The following SGIP1 variants were observed in gnomAD, a reference collection of about 807,000 sequenced individuals.
SGIP1 encodes SH3GL interacting endocytic adaptor 1, also known as SH3-containing GRB2-like protein 3-interacting protein 1.
In SGIP1, 38 loss-of-function variants were observed where a neutral mutation model predicts 107.5. The ratio of observed to expected loss-of-function variants is 0.35; its 90% CI spans 0.27 to 0.46. The LOEUF (loss-of-function observed/expected upper bound fraction) is 0.46, where lower values mean the gene tolerates loss of function less well. SGIP1 is among the 20% of genes least tolerant of loss of function. The pLI, the probability that SGIP1 is intolerant of heterozygous loss-of-function variation, is 1.00. For synonymous variants in SGIP1, 365 were observed against 366.1 expected, an observed-to-expected ratio of 1.00 and a Z score of 0.03; for missense variants, 929 against 1,019.5, an observed-to-expected ratio of 0.91 and a Z score of 1.21.
At chr1:66,569,147 A>C (rs2060049117) in intron 1 of SGIP1, among the ~76,000 whole-genome samples, 2 of 151,982 alleles carry the variant, frequency 1.3e-5, no homozygotes, top group South Asian at 4.1e-4. Context: ...CCAAATGGTG[A>C]AACTTGAGAA....
chr1:66,548,722 C>G (rs2056881619), intron 1 of SGIP1, among the ~76,000 whole-genome samples: 1 of 152,044 alleles, frequency 6.6e-6, no homozygotes. Flanking sequence ...AGAGGTTGAC[C>G]TCTCCATGTT....
At chr1:66,575,358 C>A (rs1271350807) in intron 1 of SGIP1, among the ~76,000 whole-genome samples, 1 of 152,166 alleles carries the variant, frequency 6.6e-6, no homozygotes, top group Non-Finnish European at 1.5e-5. Flanking sequence ...CCAACTTTTT[C>A]ACTCTTAAAT....
intron 1 of SGIP1, among the ~76,000 whole-genome samples, chr1:66,609,767 AC>A (rs1257799277): frequency 3.3e-5 from 5 of 152,350 alleles, no homozygotes; most frequent in South Asian, 2.1e-4. Flanking sequence ...ATGCTAGCAA[AC>A]TTTTGAATTC....
chr1:66,609,482 G>T (rs2067511330), intron 1 of SGIP1, among the ~76,000 whole-genome samples: 1 of 152,162 alleles, frequency 6.6e-6, no homozygotes, highest in Non-Finnish European at 1.5e-5. Context: ...GTTTCAGAGT[G>T]GAGTGCTTAG....
In SGIP1 at chr1:66,673,305, G is replaced by C; in HGVS notation, c.585G>C (p.Thr195=). The part of the protein sequence containing the change: ...LISKKPPDDT[T]ALAPLFGPPL... The stretch of plus-strand genomic sequence containing the variant: ...GCAAAAAGCCTCCAGATGACACTAC[G>C]GCCCTTGCTCCTCTCTTTGGCCCAC... Residue 195 remains threonine, a synonymous_variant, in exon 12 of 25, where the codon ACG becomes ACC. Coordinates refer to ENST00000371037, the MANE Select transcript of SGIP1 (RefSeq NM_032291.4). The C allele has an allele frequency of 5.0e-6, 8 of 1,613,830 alleles. No individual in the cohort carries two copies. The highest frequency in any genetic ancestry group is 1.1e-5 in the South Asian group (1 of 91,028).
chr1:66,631,667 TTCTCTCTCTCTCTTTCTCTCTCTC>T (rs1425135397), intron 2 of SGIP1, among the ~76,000 whole-genome samples: 29 of 95,358 alleles, frequency 3.0e-4, no homozygotes, highest in Middle Eastern at 6.4e-3. Flanking sequence ...CTCTCTCTCT[TTCTCTCTCTCTCTTTCTCTCTCTC>T]TCTCTCTCTC....
At chr1:66,536,494 A>C (rs1409937877) in intron 1 of SGIP1, among the ~76,000 whole-genome samples, 1 of 152,188 alleles carries the variant, frequency 6.6e-6, no homozygotes, top group Non-Finnish European at 1.5e-5. Context: ...TCTTTTTGGC[A>C]ATATACATTC....
At chr1:66,663,215 C>A (rs1307093385) in intron 8 of SGIP1, among the ~76,000 whole-genome samples, 1 of 152,040 alleles carries the variant, frequency 6.6e-6, no homozygotes, top group Non-Finnish European at 1.5e-5. Context: ...CCCAGCACCC[C>A]CTCCCCATCC....
At chr1:66,537,010 G>C (rs758120180) in intron 1 of SGIP1, among the ~76,000 whole-genome samples, 2 of 152,074 alleles carry the variant, frequency 1.3e-5, no homozygotes, top group Admixed American at 6.5e-5. Flanking sequence ...CAGGATATAG[G>C]CTCCATTCAT....
chr1:66,613,552 A>G (rs1042688096), intron 1 of SGIP1, among the ~76,000 whole-genome samples: 1 of 151,996 alleles, frequency 6.6e-6, no homozygotes, highest in African/African-American at 2.4e-5. Context: ...CTGGTCTCCA[A>G]CTCATGAGCT....
In SGIP1 at chr1:66,586,817, T is replaced by C. The variant is rs557951727; in HGVS notation, c.11-39030T>C. The stretch of plus-strand genomic sequence containing the variant: ...TTCTACATTTTCTTCTTTTATTTTT[T>C]CCTTCTATTTAGAGCATCTCCTTTA... On this transcript the variant is annotated intron_variant, in intron 1 of 24. Coordinates refer to ENST00000371037, the MANE Select transcript of SGIP1 (RefSeq NM_032291.4). Among the ~76,000 whole-genome samples, 4 of 152,274 alleles carry C rather than the reference T, an allele frequency of 2.6e-5. No individual in the cohort carries two copies. The East Asian group carries it at 7.7e-4, about 29-fold the overall frequency.
In SGIP1 at chr1:66,745,179, A is replaced by G. The variant is rs2094536095; in HGVS notation, c.*2084A>G. The G allele has an allele frequency of 2.6e-5, 4 of 151,942 alleles. No individual in the cohort carries two copies. Among genetic ancestry groups the G allele is most frequent in the African/African-American group, 9.7e-5 (4 of 41,434 alleles). The allele number at this position is 151,942 out of a possible 1,614,324, so 9.4% of individuals were successfully genotyped here. A position where few individuals can be genotyped will look rare whatever the true frequency, so the allele number is the denominator to read the frequency against. ...AATTAAACACAAGGGTTTTTTTCCC[A>G]AAAAATAATTTTACTGATTTTTAAA... On this transcript the variant is annotated 3_prime_UTR_variant, in exon 25 of 25. Coordinates refer to ENST00000371037, the MANE Select transcript of SGIP1 (RefSeq NM_032291.4).
At chr1:66,624,069 T>C (rs1273000958) in intron 1 of SGIP1, among the ~76,000 whole-genome samples, 1 of 152,208 alleles carries the variant, frequency 6.6e-6, no homozygotes, top group Non-Finnish European at 1.5e-5. Context: ...TTTTATCTCA[T>C]AGGTCAAGTT....
intron 1 of SGIP1, among the ~76,000 whole-genome samples, chr1:66,612,137 G>A (rs764199708): frequency 6.6e-6 from 1 of 152,230 alleles, no homozygotes; most frequent in South Asian, 2.1e-4. Flanking sequence ...AATGAAGCCA[G>A]TGTGTGCAGA....
chr1:66,537,276 A>G (rs555888137), intron 1 of SGIP1, among the ~76,000 whole-genome samples: 13 of 152,300 alleles, frequency 8.5e-5, no homozygotes, highest in African/African-American at 2.6e-4. Flanking sequence ...AGAAAGCCAC[A>G]TGATCTGGAG....
rs575085366 is a variant in SGIP1, at chr1:66,646,084, G to A, written c.459+2365G>A. Among the ~76,000 whole-genome samples the A allele has an allele frequency of 4.6e-5, 7 of 152,164 alleles. No individual in the cohort carries two copies. In the East Asian group the frequency reaches 5.8e-4, roughly 13 times the overall value. On this transcript the variant is annotated intron_variant, in intron 7 of 24. Transcript: ENST00000371037. The stretch of plus-strand genomic sequence containing the variant: ...TCGAATTGCTGACCTCAGGTGATTC[G>A]TCCGCCTTAGCTTCCCAAAGTGCTG...
chr1:66,661,180 A>G (rs2081395049), intron 8 of SGIP1, among the ~76,000 whole-genome samples: 1 of 152,252 alleles, frequency 6.6e-6, no homozygotes, highest in Non-Finnish European at 1.5e-5. Context: ...ATTTCAAAAA[A>G]TAAAATGAAT....
chr1:66,536,170 G>C (rs1213681314), intron 1 of SGIP1, among the ~76,000 whole-genome samples: 1 of 152,210 alleles, frequency 6.6e-6, no homozygotes, highest in Non-Finnish European at 1.5e-5. Context: ...ACTTGTGCTG[G>C]AGCTGAATTA....
intron 2 of SGIP1, among the ~76,000 whole-genome samples, chr1:66,626,668 T>C (rs967946571): frequency 6.6e-6 from 1 of 152,122 alleles, no homozygotes; most frequent in Non-Finnish European, 1.5e-5. Flanking sequence ...GTAACTTATA[T>C]ATGTGAAGTC....
Sources: gnomAD v4.1 joint callset for allele counts (sites outside exome capture counted in the v4.1 genomes callset) on GRCh38, gnomAD v4.1.1 for gene constraint, MANE v1.5 for transcripts, NCBI Gene and HGNC (gene_info 2026-07-23, HGNC 2026-07-21) for gene names.